DLG2: variants seen among roughly 807,000 people sequenced by gnomAD.
DLG2 encodes discs large MAGUK scaffold protein 2, also known as disks large homolog 2.
Under a neutral mutation model 132.5 loss-of-function variants are expected in DLG2, and 45 were observed. The observed-to-expected ratio is 0.34, with a 90% CI of 0.27 to 0.44. The LOEUF is 0.44. DLG2 is among the 20% of genes least tolerant of loss of function. The pLI, the probability that DLG2 is intolerant of heterozygous loss-of-function variation, is 1.00. For missense variants in DLG2, 1,045 were observed against 1,196.9 expected, an observed-to-expected ratio of 0.87 and a Z score of 1.87; for synonymous variants, 424 against 419.6, an observed-to-expected ratio of 1.01 and a Z score of -0.13.
At chr11:85,407,869 G>T (rs2088914137) in intron 3 of DLG2, among the ~76,000 whole-genome samples, 2 of 151,714 alleles carry the variant, frequency 1.3e-5, no homozygotes, top group African/African-American at 4.8e-5. Flanking sequence ...TTCATCAGCA[G>T]AATGGCTTTC....
chr11:84,574,788 G>T (rs986843418), intron 6 of DLG2, among the ~76,000 whole-genome samples: 1 of 152,084 alleles, frequency 6.6e-6, no homozygotes, highest in Non-Finnish European at 1.5e-5. Flanking sequence ...AGGTGCTCTT[G>T]CTCCTTTGTT....
At chr11:84,683,363 T>C (rs1012331932) in intron 6 of DLG2, among the ~76,000 whole-genome samples, 32 of 152,184 alleles carry the variant, frequency 2.1e-4, no homozygotes, top group African/African-American at 7.2e-4. Flanking sequence ...CCCTGCCAGG[T>C]ATTGCAGGTA....
chr11:83,932,825 C>G lies in DLG2; in HGVS notation c.1341-2342G>C, dbSNP rs371331771. ...CATTATAAATTCTCACAGGTTATAC[C>G]AGAAGAACCAGAATCCCAATGTTAT... On this transcript the variant is annotated intron_variant, in intron 14 of 27. Transcript: ENST00000376104. Among the ~76,000 whole-genome samples, 28 of 151,952 alleles carry G rather than the reference C, an allele frequency of 1.8e-4. No homozygotes were observed. The East Asian group carries it at 1.9e-3, about 10-fold the overall frequency.
At chr11:84,176,317 TTATATA>T (rs5793112) in intron 8 of DLG2, among the ~76,000 whole-genome samples, 1 of 146,084 alleles carries the variant, frequency 6.8e-6, no homozygotes, top group Non-Finnish European at 1.5e-5. Flanking sequence ...GCAGTAAAGC[TTATATA>T]TATATATATA....
intron 6 of DLG2, among the ~76,000 whole-genome samples, chr11:84,742,427 C>T (rs1031203820): frequency 6.6e-6 from 1 of 152,148 alleles, no homozygotes; most frequent in African/African-American, 2.4e-5. Context: ...CATATAAGGG[C>T]ATCACCATTA....
intron 8 of DLG2, among the ~76,000 whole-genome samples, chr11:84,221,345 T>C (rs1286511955): frequency 6.6e-6 from 1 of 151,912 alleles, no homozygotes; most frequent in Non-Finnish European, 1.5e-5. Flanking sequence ...GCGCCTGTAG[T>C]CCCAGCTACT....
chr11:85,451,823 T>A (rs2092257070), intron 3 of DLG2, among the ~76,000 whole-genome samples: 1 of 152,172 alleles, frequency 6.6e-6, no homozygotes, highest in South Asian at 2.1e-4. Flanking sequence ...GTGCTATGAT[T>A]ACAGGTGAGC....
chr11:84,826,207 T>G (rs1270542872), intron 6 of DLG2, among the ~76,000 whole-genome samples: 2 of 151,890 alleles, frequency 1.3e-5, no homozygotes, highest in Non-Finnish European at 2.9e-5. Flanking sequence ...AACAATCCAA[T>G]TACACTCTTT....
At chr11:83,799,169 CA>C (rs1408886256) in intron 17 of DLG2, among the ~76,000 whole-genome samples, 2 of 152,194 alleles carry the variant, frequency 1.3e-5, no homozygotes, top group Non-Finnish European at 2.9e-5. Context: ...AGGGAAACTA[CA>C]GATATCACAT....
chr11:84,755,725 G>T (rs79876605), intron 6 of DLG2, among the ~76,000 whole-genome samples: 3,748 of 152,274 alleles, frequency 0.025, 156 homozygotes, highest in African/African-American at 0.086. Context: ...GCCTGGCCCA[G>T]TGTGTCTTTT....
intron 11 of DLG2, among the ~76,000 whole-genome samples, chr11:84,038,351 T>C (rs1273367066): frequency 2.0e-5 from 3 of 151,734 alleles, no homozygotes; most frequent in Non-Finnish European, 4.4e-5. Context: ...GAACAGACGC[T>C]TCTCAAAATT....
intron 11 of DLG2, among the ~76,000 whole-genome samples, chr11:84,009,150 CTTCATGTAT>C (rs2094739292): frequency 6.6e-6 from 1 of 151,830 alleles, no homozygotes; most frequent in Non-Finnish European, 1.5e-5. Context: ...TTATATTTTA[CTTCATGTAT>C]AGGACTAATA....
chr11:83,964,466 C>T (rs1158454832), intron 13 of DLG2, among the ~76,000 whole-genome samples: 1 of 151,948 alleles, frequency 6.6e-6, no homozygotes, highest in Admixed American at 6.6e-5. Context: ...AGAACTTGAA[C>T]AATTTGCTTG....
At chr11:85,197,855 A>T (rs2081181358) in intron 4 of DLG2, among the ~76,000 whole-genome samples, 1 of 152,168 alleles carries the variant, frequency 6.6e-6, no homozygotes, top group South Asian at 2.1e-4. Context: ...CCTGCCATTT[A>T]TTATTCGCAT....
chr11:83,456,136 T>C lies in DLG2; in HGVS notation c.*3682A>G, dbSNP rs1403823830. On this transcript the variant is annotated 3_prime_UTR_variant, in exon 28 of 28. Transcript: ENST00000376104. ...AGGAAGAGGTTTGCTATCAGAATAA[T>C]TGGGGCCAGAGTCTGCCTTTATTGA... The C allele has an allele frequency of 1.3e-5, 2 of 152,708 alleles. No individual in the cohort carries two copies. Among genetic ancestry groups the C allele is most frequent in the African/African-American group, 2.4e-5 (1 of 41,454 alleles). The allele number at this position is 152,708 out of a possible 1,614,324, so 9.5% of individuals were successfully genotyped here.
At chr11:84,869,999 C>T (rs956630185) in intron 6 of DLG2, among the ~76,000 whole-genome samples, 9 of 152,136 alleles carry the variant, frequency 5.9e-5, no homozygotes, top group African/African-American at 2.2e-4. Flanking sequence ...GGACTCAATT[C>T]CACTGGCTTC....
At chr11:85,555,462 C>T (rs2076888686) in intron 3 of DLG2, among the ~76,000 whole-genome samples, 1 of 151,846 alleles carries the variant, frequency 6.6e-6, no homozygotes, top group South Asian at 2.1e-4. Flanking sequence ...ACATATAGTG[C>T]TTTGGCACAC....
chr11:85,003,387 A>C (rs577372913), intron 6 of DLG2, among the ~76,000 whole-genome samples: 54 of 152,324 alleles, frequency 3.5e-4, no homozygotes, highest in Non-Finnish European at 7.6e-4. Flanking sequence ...ACATAATTAC[A>C]ATAAACCGTT....
At position 85,583,351 on chromosome 11, in the gene DLG2, CTGT is replaced by C. The variant is rs142014047; in HGVS notation, c.40+15303_40+15305del. Among the ~76,000 whole-genome samples, 386 of 148,468 alleles carry C rather than the reference CTGT, an allele frequency of 2.6e-3. 2 individuals are homozygous for C. The highest frequency in any genetic ancestry group is 6.8e-3 in the Middle Eastern group (2 of 292). On this transcript the variant is annotated intron_variant, in intron 3 of 27. Coordinates refer to ENST00000376104, the MANE Select transcript of DLG2 (RefSeq NM_001142699.3). ...CAGCTTTTTGTTGTTGTTGTTGCTC[CTGT>C]TGTTGTTGTTGTTGTTGAGACAGGG...
Sources: gnomAD v4.1 joint callset for allele counts (sites outside exome capture counted in the v4.1 genomes callset) on GRCh38, gnomAD v4.1.1 for gene constraint, MANE v1.5 for transcripts, NCBI Gene and HGNC (gene_info 2026-07-23, HGNC 2026-07-21) for gene names.